The following ZNF264 variants were observed in gnomAD, a reference collection of about 807,000 sequenced individuals.
ZNF264 encodes zinc finger protein 264.
ZNF264 carries 11 observed loss-of-function variants against 11.2 expected under a neutral mutation model. The ratio of observed to expected loss-of-function variants is 0.98; its 90% confidence interval spans 0.62 to 1.63. The LOEUF (loss-of-function observed/expected upper bound fraction) is 1.63. Among genes scored for constraint, ZNF264 ranks in the 40% most tolerant of loss-of-function variants. The pLI, the probability that ZNF264 is intolerant of heterozygous loss-of-function variation, is 0.00. For missense variants in ZNF264, 752 were observed against 768.1 expected, an observed-to-expected ratio of 0.98 and a Z score of 0.25; for synonymous variants, 309 against 279.8, an observed-to-expected ratio of 1.10 and a Z score of -1.04.
Position 57,215,272 on chromosome 19 carries a change from T to G in ZNF264, c.*2291T>G, listed in dbSNP as rs1435319779. ...AACTATTCGAAGTATCTATTTCTTG[T>G]GTAATAAATTTTGATAGTCTGTCCT... On this transcript the variant is annotated 3_prime_UTR_variant, in exon 4 of 4. Coordinates refer to ENST00000263095, the MANE Select transcript of ZNF264 (RefSeq NM_003417.5). 1.3e-5 allele frequency: 2 copies of G among 152,240 alleles called. No individual in the cohort carries two copies. The highest frequency in any genetic ancestry group is 2.9e-5 in the Non-Finnish European group (2 of 68,048). The allele number at this position is 152,240 out of a possible 1,614,324, so 9.4% of individuals were successfully genotyped here.
rs902419889 is a variant in ZNF264 at position 57,218,425 on chromosome 19, G to C, written c.*5444G>C. 6.6e-6 allele frequency: 1 copy of C among 152,324 alleles called. No homozygotes were observed. The highest frequency in any genetic ancestry group is 2.4e-5 in the African/African-American group (1 of 41,454). The allele number at this position is 152,324 out of a possible 1,614,324, so 9.4% of individuals were successfully genotyped here. A position where few individuals can be genotyped will look rare whatever the true frequency, so the allele number is the denominator to read the frequency against. On this transcript the variant is annotated 3_prime_UTR_variant, in exon 4 of 4. Coordinates refer to ENST00000263095, the MANE Select transcript of ZNF264 (RefSeq NM_003417.5). ...GTCTCTAGTGTTCAGAAGTTTGGCT[G>C]TGATGTGCGTGGCATGGAAGTTTTT...
intron 2 of ZNF264, chr19:57,194,794 A>G (rs1278182026): frequency 7.5e-6 from 3 of 400,110 alleles, no homozygotes; most frequent in African/African-American, 4.1e-5. Flanking sequence ...ACCCAGGATC[A>G]ATACGTTGCA....
rs1156572620 is a variant in ZNF264, at chr19:57,205,414, G to C, written c.178G>C (p.Ala60Pro). ...ATAAACAGGGTGTCCTGTTCCCAAA[G>C]CTGAGCTGATCTGCCACCTAGAGCA... ...LVSLGCPVPK[A>P]ELICHLEHGQ... Residue 60 changes from alanine (A) to proline (P), a missense_variant, in exon 3 of 4, where the codon GCT becomes CCT. Coordinates refer to ENST00000263095, the MANE Select transcript of ZNF264 (RefSeq NM_003417.5). The C allele has an allele frequency of 1.2e-6, 2 of 1,611,232 alleles. No homozygotes were observed. The highest frequency in any genetic ancestry group is 3.4e-5 in the Admixed American group (2 of 59,608).
intron 2 of ZNF264, among the ~76,000 whole-genome samples, chr19:57,195,922 T>G (rs1237630587): frequency 6.6e-6 from 1 of 151,816 alleles, no homozygotes; most frequent in Non-Finnish European, 1.5e-5. Context: ...TTTTGCTAGT[T>G]GATCACTAGG....
intron 2 of ZNF264, chr19:57,194,781 C>A: frequency 2.5e-6 from 1 of 400,130 alleles, no homozygotes; most frequent in Non-Finnish European, 4.4e-6. Flanking sequence ...CCTTTACAGA[C>A]ACACCCAGGA....
At chr19:57,205,847 T>G (rs2087288080) in intron 3 of ZNF264, among the ~76,000 whole-genome samples, 1 of 152,200 alleles carries the variant, frequency 6.6e-6, no homozygotes, top group Admixed American at 6.6e-5. Flanking sequence ...TAACTTCAGC[T>G]AAGTTAACAG....
intron 3 of ZNF264, among the ~76,000 whole-genome samples, chr19:57,207,545 C>CTTTTTTTTTTTTTTTTTTTTTT (rs757880568): frequency 2.3e-4 from 24 of 103,054 alleles, no homozygotes; most frequent in Non-Finnish European, 3.5e-4. Context: ...TTTTTCTTTT[C>CTTTTTTTTTTTTTTTTTTTTTT]TTTTTTTTTT....
intron 2 of ZNF264, among the ~76,000 whole-genome samples, chr19:57,198,414 T>G (rs1262380964): frequency 6.6e-6 from 1 of 151,940 alleles, no homozygotes; most frequent in Non-Finnish European, 1.5e-5. Flanking sequence ...GATGTGATAC[T>G]GTTTTTGATT....
rs940688167 is a variant in ZNF264 at position 57,219,866 on chromosome 19, T to A, written c.*6885T>A. On this transcript the variant is annotated 3_prime_UTR_variant, in exon 4 of 4. Coordinates refer to ENST00000263095, the MANE Select transcript of ZNF264 (RefSeq NM_003417.5). ...GCACTTTCTCTGCATTTGTAAACAC[T>A]GAGCCTGTATGCGTGTCTATGTGGC... 6.6e-6 allele frequency: 1 copy of A among 152,388 alleles called. No individual in the cohort carries two copies. Among genetic ancestry groups the A allele is most frequent in the East Asian group, 1.9e-4 (1 of 5,192 alleles). 9.4% of individuals were successfully genotyped at this position (152,388 alleles called of 1,614,324 possible).
In ZNF264 at chr19:57,212,782, C is replaced by G; in HGVS notation, c.1685C>G (p.Thr562Ser). ...CTCACTCAGCATCAAAGGATGCATA[C>G]TGGGAAAAATCCCATCAGTGTAACA... Reference protein sequence around the residue: ...SSLTQHQRMHTGKNPISVTDV... With the variant: ...SSLTQHQRMHSGKNPISVTDV... The change falls in exon 4 of 4, where the codon ACT (threonine) becomes AGT (serine). Residue 562 changes from threonine (T) to serine (S), a missense_variant. Coordinates refer to ENST00000263095, the MANE Select transcript of ZNF264 (RefSeq NM_003417.5). The G allele has an allele frequency of 1.2e-6, 2 of 1,614,084 alleles. No individual in the cohort carries two copies. Among genetic ancestry groups the G allele is most frequent in the South Asian group, 2.2e-5 (2 of 91,086 alleles).
chr19:57,201,551 G>T (rs1181102838), intron 2 of ZNF264, among the ~76,000 whole-genome samples: 1 of 151,980 alleles, frequency 6.6e-6, no homozygotes, highest in African/African-American at 2.4e-5. Context: ...TTTGTGAGGA[G>T]CCTCAGCCTT....
Position 57,220,355 on chromosome 19 carries a change from C to G in ZNF264, c.*7374C>G, listed in dbSNP as rs2087408636. ...ATCTGTTGTAACTATGTAGAAGATA[C>G]AGTGTCTGGGTTTGAGGACAGGGGA... On this transcript the variant is annotated 3_prime_UTR_variant, in exon 4 of 4. Coordinates refer to ENST00000263095, the MANE Select transcript of ZNF264 (RefSeq NM_003417.5). 6.6e-6 allele frequency: 1 copy of G among 152,160 alleles called. No individual in the cohort carries two copies. Among genetic ancestry groups the G allele is most frequent in the Non-Finnish European group, 1.5e-5 (1 of 68,042 alleles). The allele number at this position is 152,160 out of a possible 1,614,324, so 9.4% of individuals were successfully genotyped here.
chr19:57,204,913 C>T (rs2087280772), intron 2 of ZNF264, among the ~76,000 whole-genome samples: 1 of 152,174 alleles, frequency 6.6e-6, no homozygotes, highest in Non-Finnish European at 1.5e-5. Flanking sequence ...AGCCATTCAC[C>T]AGTTCTGTGC....
rs1357729730 is a variant in ZNF264, at chr19:57,219,905, GT to G, written c.*6925del. The G allele has an allele frequency of 6.6e-6, 1 of 152,278 alleles. No individual in the cohort carries two copies. The highest frequency in any genetic ancestry group is 1.9e-4 in the East Asian group (1 of 5,202). 9.4% of individuals were successfully genotyped at this position (152,278 alleles called of 1,614,324 possible). On this transcript the variant is annotated 3_prime_UTR_variant, in exon 4 of 4. Coordinates refer to ENST00000263095, the MANE Select transcript of ZNF264 (RefSeq NM_003417.5). ...TGTCTATGTGGCCATGGCCCTGGCC[GT>G]GGGGATGCACCCATAATTATAATGA...
rs2087389336 is a variant in ZNF264, at chr19:57,217,646, C to G, written c.*4665C>G. 6.6e-6 allele frequency: 1 copy of G among 151,986 alleles called. No homozygotes were observed. Among genetic ancestry groups the G allele is most frequent in the Non-Finnish European group, 1.5e-5 (1 of 68,036 alleles). 9.4% of individuals were successfully genotyped at this position (151,986 alleles called of 1,614,324 possible). On this transcript the variant is annotated 3_prime_UTR_variant, in exon 4 of 4. Transcript: ENST00000263095. ...GCCAGGTTGGTCTTGAACTCTTGACCTCATGATCCACCCGCCTCGGCCCCC... is the reference window on the plus strand; with the variant it reads ...GCCAGGTTGGTCTTGAACTCTTGACGTCATGATCCACCCGCCTCGGCCCCC...
In ZNF264 at chr19:57,217,541, C is replaced by T. The variant is rs2087388578; in HGVS notation, c.*4560C>T. 6.6e-6 allele frequency: 1 copy of T among 151,866 alleles called. No homozygotes were observed. Among genetic ancestry groups the T allele is most frequent in the South Asian group, 2.1e-4 (1 of 4,814 alleles). 9.4% of individuals were successfully genotyped at this position (151,866 alleles called of 1,614,324 possible). ...CAAGCAATTAACTGCCTCAGCTTCC[C>T]TAGTAATGGATTACAGGCGCCCGCC... is the stretch of plus-strand genomic sequence containing the variant. On this transcript the variant is annotated 3_prime_UTR_variant, in exon 4 of 4. Coordinates refer to ENST00000263095, the MANE Select transcript of ZNF264 (RefSeq NM_003417.5).
chr19:57,197,879 T>G (rs1358025491), intron 2 of ZNF264, among the ~76,000 whole-genome samples: 1 of 152,016 alleles, frequency 6.6e-6, no homozygotes, highest in Admixed American at 6.5e-5. Flanking sequence ...TCCCATCCTC[T>G]GGCACACAGA....
intron 2 of ZNF264, among the ~76,000 whole-genome samples, chr19:57,201,110 T>G (rs920595951): frequency 2.0e-5 from 3 of 151,948 alleles, no homozygotes; most frequent in Non-Finnish European, 4.4e-5. Flanking sequence ...ATATATATAG[T>G]TTTTAAGACT....
intron 2 of ZNF264, 160 bp downstream of exon 2, chr19:57,194,161 C>A: frequency 1.0e-6 from 1 of 1,004,288 alleles, no homozygotes; most frequent in Non-Finnish European, 1.4e-6. Context: ...CCTATCTGGT[C>A]TCCTATATCT....
Sources: allele counts gnomAD v4.1 joint callset (sites outside exome capture counted in the v4.1 genomes callset), GRCh38; gene constraint gnomAD v4.1.1; transcripts MANE v1.5; gene names NCBI Gene and HGNC (gene_info 2026-07-23, HGNC 2026-07-21).